ST7: variants seen among roughly 807,000 people sequenced by gnomAD.
The protein encoded by ST7 is suppression of tumorigenicity 7.
Under a neutral mutation model 78.7 loss-of-function variants are expected in ST7, and 28 were observed. The observed-to-expected ratio is 0.36, with a 90% CI of 0.26 to 0.49. The LOEUF (loss-of-function observed/expected upper bound fraction) is 0.49, where lower values mean the gene tolerates loss of function less well. Ranked by LOEUF, ST7 falls within the 20% of genes least tolerant of loss-of-function variation. The pLI, the probability that ST7 is intolerant of heterozygous loss-of-function variation, is 0.99. For synonymous variants in ST7, 247 were observed against 249.6 expected (o/e 0.99, Z 0.10); for missense variants, 418 against 696.0 (o/e 0.60, Z 4.49).
chr7:117,063,288 C>CT (rs1040862451), intron 1 of ST7, among the ~76,000 whole-genome samples: 1 of 152,150 alleles, frequency 6.6e-6, no homozygotes, highest in Non-Finnish European at 1.5e-5. Context: ...AGTTCCAATT[C>CT]TTTTTTTGCT....
intron 2 of ST7, among the ~76,000 whole-genome samples, chr7:117,102,152 T>C (rs1222273094): frequency 6.6e-6 from 1 of 152,236 alleles, no homozygotes; most frequent in Non-Finnish European, 1.5e-5. Flanking sequence ...TTTTTAACGT[T>C]AAAATTTTCT....
At chr7:117,135,365 T>C (rs1296608345) in intron 7 of ST7, among the ~76,000 whole-genome samples, 1 of 152,078 alleles carries the variant, frequency 6.6e-6, no homozygotes, top group Non-Finnish European at 1.5e-5. Context: ...GCTATTGTTG[T>C]TGAAGGCATG....
intron 9 of ST7, among the ~76,000 whole-genome samples, chr7:117,167,810 A>G (rs1427497067): frequency 1.3e-5 from 2 of 152,196 alleles, no homozygotes; most frequent in African/African-American, 4.8e-5. Context: ...TTTCAAAGAA[A>G]AAGCCATCAG....
intron 15 of ST7, among the ~76,000 whole-genome samples, chr7:117,225,586 C>T (rs1301352545): frequency 6.6e-6 from 1 of 152,144 alleles, no homozygotes; most frequent in Non-Finnish European, 1.5e-5. Context: ...AGGCCCCTCC[C>T]GAAGCTCCCA....
intron 2 of ST7, among the ~76,000 whole-genome samples, chr7:117,100,297 C>A (rs531932790): frequency 6.6e-6 from 1 of 152,144 alleles, no homozygotes; most frequent in South Asian, 2.1e-4. Context: ...CATGGTGAAA[C>A]CCCATCTCTA....
At chr7:117,164,818 A>G (rs1165766790) in intron 9 of ST7, among the ~76,000 whole-genome samples, 1 of 128,116 alleles carries the variant, frequency 7.8e-6, no homozygotes, top group African/African-American at 3.0e-5. Context: ...ACTTGGCTGA[A>G]TCACTTAAAC....
intron 1 of ST7, among the ~76,000 whole-genome samples, chr7:116,974,292 C>CTT (rs888429847): frequency 1.4e-5 from 2 of 144,004 alleles, no homozygotes; most frequent in African/African-American, 2.5e-5. Flanking sequence ...CTTTTCTTTT[C>CTT]TTTTTTTTTT....
chr7:117,201,560 GT>G lies in ST7; in HGVS notation c.1255-8215del, dbSNP rs34393006. Among the ~76,000 whole-genome samples, 691 of 144,788 alleles carry G rather than the reference GT, an allele frequency of 4.8e-3. 5 individuals are homozygous for G. Among genetic ancestry groups the G allele is most frequent in the African/African-American group, 0.016 (615 of 39,630 alleles). The allele number at this position is 144,788 out of a possible 152,430, so 95.0% of individuals were successfully genotyped here. A position where few individuals can be genotyped will look rare whatever the true frequency, so the allele number is the denominator to read the frequency against. On this transcript the variant is annotated intron_variant, in intron 12 of 15. Transcript: ENST00000323984. ...GCTTTTTATGTTTTTTTTGTGTGTG[GT>G]TTTTTTTTTTTCCATGAGACAGGGT...
At chr7:117,007,631 T>A (rs558915799) in intron 1 of ST7, among the ~76,000 whole-genome samples, 1 of 152,210 alleles carries the variant, frequency 6.6e-6, no homozygotes, top group South Asian at 2.1e-4. Context: ...AGTGTTATAT[T>A]GGAGGAAGAT....
intron 1 of ST7, among the ~76,000 whole-genome samples, chr7:117,022,657 T>A (rs1316498197): frequency 6.6e-6 from 1 of 152,218 alleles, no homozygotes; most frequent in Non-Finnish European, 1.5e-5. Context: ...GTGTTCTTAC[T>A]AAATTATCGT....
chr7:117,106,065 C>T (rs1801934805), intron 2 of ST7, among the ~76,000 whole-genome samples: 1 of 152,052 alleles, frequency 6.6e-6, no homozygotes, highest in Admixed American at 6.5e-5. Flanking sequence ...GTGGCGCAAT[C>T]TCGGCTCACT....
chr7:117,212,307 C>T (rs185157197), intron 13 of ST7, among the ~76,000 whole-genome samples: 74 of 152,290 alleles, frequency 4.9e-4, no homozygotes, highest in Admixed American at 1.6e-3. Context: ...TCATTGAGAT[C>T]GGTGTCTTGT....
chr7:117,059,656 G>A (rs1798246696), intron 1 of ST7, among the ~76,000 whole-genome samples: 2 of 151,854 alleles, frequency 1.3e-5, no homozygotes, highest in African/African-American at 4.8e-5. Flanking sequence ...CTGGTCAGAA[G>A]TACTGTGGAT....
chr7:117,132,095 A>C, intron 6 of ST7, 135 bp downstream of exon 6: 1 of 908,970 alleles, frequency 1.1e-6, no homozygotes. Context: ...TACTCTATTT[A>C]AAAAAGTTTT....
chr7:117,088,503 T>C (rs917647183), intron 1 of ST7, among the ~76,000 whole-genome samples: 3 of 152,234 alleles, frequency 2.0e-5, no homozygotes, highest in Admixed American at 6.5e-5. Context: ...TTTCCATGCA[T>C]TTTAGATTTA....
At chr7:117,000,650 CAGAG>C (rs1175106335) in intron 1 of ST7, among the ~76,000 whole-genome samples, 1 of 152,202 alleles carries the variant, frequency 6.6e-6, no homozygotes, top group East Asian at 1.9e-4. Flanking sequence ...GAAGCTTTTT[CAGAG>C]CTTTGTGTGA....
At chr7:116,982,411 A>T (rs1286651880) in intron 1 of ST7, among the ~76,000 whole-genome samples, 2 of 151,940 alleles carry the variant, frequency 1.3e-5, no homozygotes, top group Non-Finnish European at 2.9e-5. Context: ...TTTAGTGGAG[A>T]TGGGGTTTCT....
chr7:116,969,352 A>G (rs1433218347), intron 1 of ST7, among the ~76,000 whole-genome samples: 1 of 152,204 alleles, frequency 6.6e-6, no homozygotes, highest in Non-Finnish European at 1.5e-5. Flanking sequence ...AGTACCAGTC[A>G]AGAATTTTTT....
intron 1 of ST7, among the ~76,000 whole-genome samples, chr7:117,079,342 T>C (rs1057057611): frequency 1.3e-5 from 2 of 152,190 alleles, no homozygotes; most frequent in Non-Finnish European, 1.5e-5. Context: ...GGTGAGGGGA[T>C]TCCTAGAACC....
Sources: allele counts gnomAD v4.1 joint callset (sites outside exome capture counted in the v4.1 genomes callset), GRCh38; gene constraint gnomAD v4.1.1; transcripts MANE v1.5; gene names NCBI Gene and HGNC (gene_info 2026-07-23, HGNC 2026-07-21).